VWA8: variants seen among roughly 807,000 people sequenced by gnomAD.
VWA8 encodes the protein von Willebrand factor A domain-containing protein 8.
Under a neutral mutation model 241.5 loss-of-function variants are expected in VWA8, and 221 were observed. The observed-to-expected ratio is 0.91, with a 90% confidence interval of 0.82 to 1.02. VWA8 has a LOEUF of 1.02. Ranked by LOEUF, VWA8 falls within the 50% of genes least tolerant of loss-of-function variation. The pLI, the probability that VWA8 is intolerant of heterozygous loss-of-function variation, is 0.00. For synonymous variants in VWA8, 852 were observed against 827.1 expected (o/e 1.03, Z -0.52); for missense variants, 2,322 against 2,328.7 (o/e 1.00, Z 0.06).
chr13:41,718,708 T>A (rs2045362676), intron 26 of VWA8, among the ~76,000 whole-genome samples: 1 of 151,484 alleles, frequency 6.6e-6, no homozygotes, highest in Non-Finnish European at 1.5e-5. Context: ...TATATATATA[T>A]ATATATGCAA....
chr13:41,938,067 A>G (rs1427812537), intron 2 of VWA8, among the ~76,000 whole-genome samples: 1 of 151,908 alleles, frequency 6.6e-6, no homozygotes, highest in East Asian at 1.9e-4. Flanking sequence ...AGGCTGAGGC[A>G]GGAGAATCAC....
chr13:41,675,162 T>C, intron 36 of VWA8, 53 bp downstream of exon 36: 1 of 1,344,416 alleles, frequency 7.4e-7, no homozygotes, highest in Non-Finnish European at 1.1e-6. Flanking sequence ...TTAGCAAGAA[T>C]TTACTCATTT....
At position 41,783,809 on chromosome 13, in the gene VWA8, A is replaced by G; in HGVS notation, c.2263T>C (p.Tyr755His). 6.2e-7 allele frequency: 1 copy of G among 1,612,994 alleles called. No homozygotes were observed. The highest frequency in any genetic ancestry group is 8.5e-7 in the Non-Finnish European group (1 of 1,179,364). ...AATACTCTTACCTGAATGTTGTCAT[A>G]GAAAAGAACATCAGGCACTTTCATT... ...EKMKVPDVLF[Y>H]DNIQHVIVME... Residue 755 changes from tyrosine to histidine, a missense_variant, in exon 19 of 45, where the codon TAT becomes CAT. Physicochemically the swap from Tyr to His is moderately conservative, Grantham distance 83. Transcript: ENST00000379310.
intron 24 of VWA8, among the ~76,000 whole-genome samples, chr13:41,722,215 G>C (rs1444382096): frequency 6.6e-6 from 1 of 152,122 alleles, no homozygotes; most frequent in African/African-American, 2.4e-5. Flanking sequence ...TTTTGGTAGA[G>C]TAAACCTGTA....
At chr13:41,626,031 A>G (rs963572625) in intron 37 of VWA8, among the ~76,000 whole-genome samples, 2 of 141,568 alleles carry the variant, frequency 1.4e-5, no homozygotes, top group African/African-American at 5.3e-5. Context: ...GAATTGAACA[A>G]TGAGAACACA....
chr13:41,861,887 A>G (rs71200196), intron 12 of VWA8, among the ~76,000 whole-genome samples: 454 of 152,342 alleles, frequency 3.0e-3, no homozygotes, highest in South Asian at 0.017. Flanking sequence ...CAATTTACAG[A>G]TTAAATGCTA....
intron 12 of VWA8, among the ~76,000 whole-genome samples, chr13:41,864,941 G>A (rs1384118581): frequency 2.2e-5 from 3 of 137,052 alleles, no homozygotes; most frequent in South Asian, 2.4e-4. Flanking sequence ...AGTGAGCCGA[G>A]ATTGTGCCAT....
intron 1 of VWA8, among the ~76,000 whole-genome samples, chr13:41,959,219 C>T (rs1878477709): frequency 6.6e-6 from 1 of 152,050 alleles, no homozygotes; most frequent in Non-Finnish European, 1.5e-5. Flanking sequence ...CTCACAACAA[C>T]CATAATAGAT....
At chr13:41,569,722 T>C (rs1362046021) in intron 44 of VWA8, among the ~76,000 whole-genome samples, 1 of 151,668 alleles carries the variant, frequency 6.6e-6, no homozygotes, top group African/African-American at 2.4e-5. Flanking sequence ...AGAAAAACCA[T>C]GAGCTCTTTC....
At chr13:41,719,103 G>C (rs539069515) in intron 26 of VWA8, among the ~76,000 whole-genome samples, 1 of 151,870 alleles carries the variant, frequency 6.6e-6, no homozygotes, top group African/African-American at 2.4e-5. Flanking sequence ...AAACCCACTA[G>C]TTCTTACTAC....
At chr13:41,753,947 G>A (rs1354217522) in intron 21 of VWA8, among the ~76,000 whole-genome samples, 3 of 151,980 alleles carry the variant, frequency 2.0e-5, no homozygotes, top group Admixed American at 2.0e-4. Context: ...TTCTCTTAAG[G>A]CAATTTTATG....
intron 19 of VWA8, among the ~76,000 whole-genome samples, chr13:41,780,673 G>A (rs1377466224): frequency 6.6e-6 from 1 of 152,112 alleles, no homozygotes; most frequent in Non-Finnish European, 1.5e-5. Flanking sequence ...GAGCCAATGT[G>A]TTCTTACAGT....
At chr13:41,818,916 C>T (rs763799280) in intron 15 of VWA8, among the ~76,000 whole-genome samples, 1 of 152,134 alleles carries the variant, frequency 6.6e-6, no homozygotes, top group Non-Finnish European at 1.5e-5. Flanking sequence ...GGTTCCCAGA[C>T]CAGCAGCATC....
In VWA8 at chr13:41,611,688, G is replaced by A. The variant is rs367688672; in HGVS notation, c.4765C>T (p.Arg1589Trp). Residue 1589 changes from arginine to tryptophan, a missense_variant, in exon 39 of 45, where the codon CGG becomes TGG. Transcript: ENST00000379310. ...AGLGGKGGPY[R>W]LDAGHTVYQV... is the part of the protein sequence containing the mutation. Reference sequence around the variant, plus strand: ...TACACCGTATGGCCTGCATCCAGCCGGTAAGGGCCTCCTTTGCCACCCAGG... The same window carrying A: ...TACACCGTATGGCCTGCATCCAGCCAGTAAGGGCCTCCTTTGCCACCCAGG... 34 of 1,613,922 alleles carry A rather than the reference G, an allele frequency of 2.1e-5. 1 individual carries two copies. The highest frequency in any genetic ancestry group is 1.6e-4 in the Middle Eastern group (1 of 6,080).
At chr13:41,892,975 G>A (rs1874916891) in intron 4 of VWA8, among the ~76,000 whole-genome samples, 1 of 152,124 alleles carries the variant, frequency 6.6e-6, no homozygotes, top group Admixed American at 6.5e-5. Context: ...TGGTATTTCT[G>A]TGACAATAAA....
At chr13:41,739,848 G>GTTTTTTTTTTTTTT (rs1179107917) in intron 21 of VWA8, among the ~76,000 whole-genome samples, 2 of 50,916 alleles carry the variant, frequency 3.9e-5, no homozygotes, top group Non-Finnish European at 8.8e-5. Flanking sequence ...TGTTTTTTTT[G>GTTTTTTTTTTTTTT]TTTTTTTTGT....
chr13:41,918,393 AT>A (rs543194466), intron 2 of VWA8, among the ~76,000 whole-genome samples: 124 of 152,340 alleles, frequency 8.1e-4, no homozygotes, highest in African/African-American at 2.8e-3. Context: ...ATAATTATAC[AT>A]ATCCATATTC....
At chr13:41,904,415 TAC>T (rs1875602390) in intron 4 of VWA8, among the ~76,000 whole-genome samples, 1 of 152,300 alleles carries the variant, frequency 6.6e-6, no homozygotes, top group South Asian at 2.1e-4. Flanking sequence ...TCCTCACCTC[TAC>T]TTAGGTCATT....
chr13:41,844,213 A>G (rs1418582582), intron 12 of VWA8, among the ~76,000 whole-genome samples: 1 of 152,224 alleles, frequency 6.6e-6, no homozygotes, highest in African/African-American at 2.4e-5. Flanking sequence ...ATCACCACAT[A>G]AACAGAATTA....
Sources: gnomAD v4.1 joint callset for allele counts (sites outside exome capture counted in the v4.1 genomes callset) on GRCh38, gnomAD v4.1.1 for gene constraint, MANE v1.5 for transcripts, NCBI Gene and HGNC (gene_info 2026-07-23, HGNC 2026-07-21) for gene names.